The following ANO5 variants were observed in gnomAD, a reference collection of about 807,000 sequenced individuals.
The protein encoded by ANO5 is anoctamin 5, also known as anoctamin-5.
ANO5 carries 109 observed loss-of-function variants against 121.0 expected under a neutral mutation model. That is an observed-to-expected ratio of 0.90 (90% CI 0.77 to 1.06). ANO5 has a LOEUF of 1.06. ANO5 is among the 50% of genes least tolerant of loss of function. The probability of loss-of-function intolerance (pLI) is 0.00; values close to 1 mark genes in which losing one functional copy is unlikely to be tolerated. For synonymous variants in ANO5, 406 were observed against 359.9 expected, an observed-to-expected ratio of 1.13 and a Z score of -1.45; for missense variants, 1,064 against 1,078.5, an observed-to-expected ratio of 0.99 and a Z score of 0.19.
In ANO5 at chr11:22,267,508, T is replaced by TTTTATATATATATATATATATA. The variant is rs1554932860; in HGVS notation, c.1899-2803_1899-2802insTTATATATATATATATATATAT. On this transcript the variant is annotated intron_variant, in intron 17 of 21. Transcript: ENST00000324559. ...CTACATACCATATAAATATCTACAA[T>TTTTATATATATATATATATATA]TATATATATATATATAAAATCTATC... Among the ~76,000 whole-genome samples the TTTTATATATATATATATATATA allele has an allele frequency of 7.3e-4, 92 of 126,098 alleles. 3 individuals carry two copies. Among genetic ancestry groups the TTTTATATATATATATATATATA allele is most frequent in the African/African-American group, 3.8e-3 (82 of 21,536 alleles). The allele number at this position is 126,098 out of a possible 152,430, so 82.7% of individuals were successfully genotyped here.
intron 2 of ANO5, among the ~76,000 whole-genome samples, chr11:22,210,350 G>A (rs1359973176): frequency 6.6e-6 from 1 of 151,798 alleles, no homozygotes; most frequent in Non-Finnish European, 1.5e-5. Context: ...TACTTTTGTA[G>A]CATTAGGTAT....
Position 22,262,109 on chromosome 11 carries a change from ATT to A in ANO5, c.1631-12_1631-11del. On this transcript the variant is annotated intron_variant, in intron 15 of 21. Transcript: ENST00000324559. ...AAAAAAATAAGAAGATGCACTAAAC[ATT>A]TTTTTTTAACTTAACAGAAATTCCT... 6.4e-7 allele frequency: 1 copy of A among 1,573,222 alleles called. No individual in the cohort carries two copies.
At chr11:22,250,697 T>C (rs1564936091) in intron 10 of ANO5, 44 bp from the exon 11 acceptor site, 1 of 1,575,412 alleles carries the variant, frequency 6.3e-7, no homozygotes, top group South Asian at 1.1e-5. Context: ...GACTTTTACC[T>C]AAACACCTAT....
chr11:22,243,983 A>T (rs2133681948), intron 9 of ANO5, among the ~76,000 whole-genome samples: 1 of 52,250 alleles, frequency 1.9e-5, no homozygotes, highest in South Asian at 7.0e-4. Flanking sequence ...ACTTGATTGT[A>T]TAGTCTCTTT....
intron 2 of ANO5, among the ~76,000 whole-genome samples, chr11:22,210,261 G>A (rs1477290733): frequency 1.3e-5 from 2 of 151,822 alleles, no homozygotes; most frequent in Non-Finnish European, 2.9e-5. Flanking sequence ...TATGAAAATT[G>A]TACATTTTCA....
intron 13 of ANO5, among the ~76,000 whole-genome samples, chr11:22,256,692 T>C (rs189363323): frequency 7.9e-4 from 120 of 152,312 alleles, no homozygotes; most frequent in Admixed American, 4.2e-3. Flanking sequence ...TTGGCTTCAC[T>C]TAGCTTTCAT....
chr11:22,251,893 G>T, intron 12 of ANO5, among the ~76,000 whole-genome samples: 1 of 151,798 alleles, frequency 6.6e-6, no homozygotes, highest in East Asian at 1.9e-4. Flanking sequence ...AGCCAGGCGT[G>T]GTGGCAGGTG....
rs767677808 is a variant in ANO5, at chr11:22,279,536, T to C, written c.2521-8T>C. The C allele has an allele frequency of 3.1e-6, 5 of 1,603,220 alleles. No homozygotes were observed. In the African/African-American group the frequency reaches 6.7e-5, roughly 21 times the overall value. On this transcript the variant is annotated splice_region_variant and splice_polypyrimidine_tract_variant and intron_variant, in intron 21 of 21. Transcript: ENST00000324559. Reference sequence around the variant, plus strand: ...CAGCGTCTAATCTTTCCTTTATATTTCCTCTAGCATGTTGTGTTTTTAGTT... The same window carrying C: ...CAGCGTCTAATCTTTCCTTTATATTCCCTCTAGCATGTTGTGTTTTTAGTT...
chr11:22,203,330 C>T (rs1216864999), intron 1 of ANO5, among the ~76,000 whole-genome samples: 4 of 152,058 alleles, frequency 2.6e-5, no homozygotes, highest in Non-Finnish European at 4.4e-5. Context: ...ATTACCATTA[C>T]GGAGCTATCT....
intron 14 of ANO5, 151 bp downstream of exon 14, chr11:22,257,905 A>G (rs1854057439): frequency 2.9e-6 from 2 of 688,614 alleles, no homozygotes; most frequent in Middle Eastern, 4.1e-4. Flanking sequence ...TACAAAATAA[A>G]CTGTAATTTA....
chr11:22,259,945 A>G (rs1304582750), intron 15 of ANO5, among the ~76,000 whole-genome samples: 1 of 92,016 alleles, frequency 1.1e-5, no homozygotes, highest in Admixed American at 1.1e-4. Context: ...AGGCAAAATA[A>G]CTGAAAAAAA....
intron 1 of ANO5, among the ~76,000 whole-genome samples, chr11:22,198,946 G>A (rs747682517): frequency 1.3e-4 from 20 of 152,160 alleles, no homozygotes; most frequent in Admixed American, 1.3e-3. Flanking sequence ...TGTTTAGGCA[G>A]TAATCATGGG....
At chr11:22,248,637 A>G in intron 9 of ANO5, among the ~76,000 whole-genome samples, 1 of 152,012 alleles carries the variant, frequency 6.6e-6, no homozygotes, top group African/African-American at 2.4e-5. Flanking sequence ...ACCTGATTTC[A>G]TTTAGTAAAT....
At chr11:22,237,701 AG>A (rs1360188766) in intron 8 of ANO5, among the ~76,000 whole-genome samples, 1 of 152,168 alleles carries the variant, frequency 6.6e-6, no homozygotes, top group Non-Finnish European at 1.5e-5. Context: ...GTAAGAGTAG[AG>A]GAAATTTTCC....
chr11:22,225,134 G>T (rs1852780906), intron 5 of ANO5, among the ~76,000 whole-genome samples: 1 of 151,908 alleles, frequency 6.6e-6, no homozygotes, highest in Admixed American at 6.6e-5. Context: ...GTTTTAAAAA[G>T]AAAAAATGCT....
In ANO5 at chr11:22,272,990, G is replaced by A. The variant is rs886042442; in HGVS notation, c.2235+1G>A. The A allele has an allele frequency of 3.7e-6, 6 of 1,613,548 alleles. No homozygotes were observed. Among genetic ancestry groups the A allele is most frequent in the Non-Finnish European group, 5.1e-6 (6 of 1,179,576 alleles). On this transcript the variant is annotated splice_donor_variant, in intron 19 of 21. Coordinates refer to ENST00000324559, the MANE Select transcript of ANO5 (RefSeq NM_213599.3). LOFTEE classifies it high-confidence loss of function. ...GGCTGTCCTTTCTGTTGCAACTAAT[G>A]TAAGTGGACCTATTTCGGTGGGGTG...
chr11:22,225,902 C>A, intron 5 of ANO5, 82 bp from the exon 6 acceptor site: 2 of 1,055,394 alleles, frequency 1.9e-6, no homozygotes, highest in South Asian at 1.3e-5. Flanking sequence ...AGAGTCACAG[C>A]CATTGTATAT....
At position 22,276,230 on chromosome 11, in the gene ANO5, C is replaced by T. The variant is rs1207419905; in HGVS notation, c.2520+31C>T. On this transcript the variant is annotated intron_variant, in intron 21 of 21. Transcript: ENST00000324559. ...CTGTTCTTAACTTTCATTCGAGTTA[C>T]TCTCTTCTCTCTTTAGGCAGATATT... The T allele has an allele frequency of 2.7e-6, 4 of 1,491,548 alleles. No individual in the cohort carries two copies. The Admixed American group carries it at 5.0e-5, about 19-fold the overall frequency. The allele number at this position is 1,491,548 out of a possible 1,614,324, so 92.4% of individuals were successfully genotyped here.
rs893896112 is a variant in ANO5, at chr11:22,259,852, G to T, written c.1630+111G>T. 9 of 1,132,946 alleles carry T rather than the reference G, an allele frequency of 7.9e-6. No individual in the cohort carries two copies. In the African/African-American group the frequency reaches 1.2e-4, roughly 16 times the overall value. The allele number at this position is 1,132,946 out of a possible 1,614,324, so 70.2% of individuals were successfully genotyped here. On this transcript the variant is annotated intron_variant, in intron 15 of 21. Coordinates refer to ENST00000324559, the MANE Select transcript of ANO5 (RefSeq NM_213599.3). ...TCATTTTCAAAGGACACATTTTAAG[G>T]CAGTTTTTCTCTATAAATAGACCCA...
Sources: gnomAD v4.1 joint callset for allele counts (sites outside exome capture counted in the v4.1 genomes callset) on GRCh38, gnomAD v4.1.1 for gene constraint, MANE v1.5 for transcripts, NCBI Gene and HGNC (gene_info 2026-07-23, HGNC 2026-07-21) for gene names.